The following SERPINE2 variants were observed in gnomAD, a reference collection of about 807,000 sequenced individuals.
SERPINE2 encodes the protein serpin family E member 2.
SERPINE2 carries 14 observed loss-of-function variants against 36.3 expected under a neutral mutation model. That is an observed-to-expected ratio of 0.39 (90% CI 0.25 to 0.60). The LOEUF (loss-of-function observed/expected upper bound fraction) is 0.60, where lower values mean the gene tolerates loss of function less well. Among genes scored for constraint, SERPINE2 ranks in the 20% least tolerant of loss-of-function variants. The pLI is 0.57. For synonymous variants in SERPINE2, 192 were observed against 191.8 expected, an observed-to-expected ratio of 1.00 and a Z score of -0.01; for missense variants, 418 against 499.6, an observed-to-expected ratio of 0.84 and a Z score of 1.56.
intron 2 of SERPINE2, 135 bp downstream of exon 2, chr2:224,001,507 G>T (rs1395679793): frequency 3.2e-6 from 3 of 942,412 alleles, no homozygotes; most frequent in Non-Finnish European, 3.1e-6. Context: ...CTGACCCCAA[G>T]CCCCAAGTGG....
chr2:224,019,771 A>ATTTTT (rs1182167581), intron 1 of SERPINE2, among the ~76,000 whole-genome samples: 1,968 of 14,184 alleles, frequency 0.14, 27 homozygotes, highest in African/African-American at 0.15. Context: ...TTTTTAAAAA[A>ATTTTT]AAAAAAAGAA....
chr2:223,985,459 GC>G (rs1412739235), intron 4 of SERPINE2, among the ~76,000 whole-genome samples: 2 of 152,110 alleles, frequency 1.3e-5, no homozygotes, highest in African/African-American at 4.8e-5. Context: ...TGGGACAAGA[GC>G]GGCTAAAATT....
chr2:224,019,259 T>A (rs1051829972), intron 1 of SERPINE2, among the ~76,000 whole-genome samples: 1 of 15,484 alleles, frequency 6.5e-5, no homozygotes, highest in South Asian at 1.8e-3. Context: ...AATAAAAATA[T>A]ATTGTTTTTT....
At chr2:223,992,058 A>G in intron 3 of SERPINE2, 58 bp from the exon 4 acceptor site, 1 of 1,451,952 alleles carries the variant, frequency 6.9e-7, no homozygotes. Flanking sequence ...GGCCGGCTTG[A>G]GGGCAAATGG....
At chr2:223,984,177 A>G (rs13023851) in intron 5 of SERPINE2, among the ~76,000 whole-genome samples, 57,722 of 151,812 alleles carry the variant, frequency 0.38, 12,499 homozygotes, top group Non-Finnish European at 0.48. Context: ...ACAGTTCTGG[A>G]CAAAGCATTC....
In SERPINE2 at chr2:223,980,372, A is replaced by G; in HGVS notation, c.1011T>C (p.His337=). ...CTTCAATTTTTGCTTTTTGCAAGAT[A>G]TGAGAAACATGGAGGTTTTCTGACC... ...ITRSENLHVS[H]ILQKAKIEVS... The change falls in exon 7 of 9, where the codon CAT becomes CAC. Residue 337 remains histidine, a synonymous_variant. Transcript: ENST00000409304. 1 of 1,614,116 alleles carries G rather than the reference A, an allele frequency of 6.2e-7. No homozygotes were observed. Among genetic ancestry groups the G allele is most frequent in the Non-Finnish European group, 8.5e-7 (1 of 1,179,942 alleles).
intron 1 of SERPINE2, among the ~76,000 whole-genome samples, chr2:224,024,474 G>T (rs1172755640): frequency 6.6e-6 from 1 of 152,158 alleles, no homozygotes; most frequent in Non-Finnish European, 1.5e-5. Context: ...CTTGTGAAGG[G>T]ATTTAAGGGC....
rs191984470 is a variant in SERPINE2 at position 223,995,079 on chromosome 2, C to T, written c.487+3036G>A. 3.1e-4 allele frequency among the ~76,000 whole-genome samples: 47 copies of T among 152,198 alleles called. No individual in the cohort carries two copies. In the East Asian group the frequency reaches 6.4e-3, roughly 21 times the overall value. On this transcript the variant is annotated intron_variant, in intron 3 of 8. Transcript: ENST00000409304. ...AGAAGGCAGCAGGAGTGTATGTGTG[C>T]GGTTCTCCAACAGGAGACAGGATGG...
At chr2:224,000,585 G>A (rs554572406) in intron 2 of SERPINE2, among the ~76,000 whole-genome samples, 1 of 152,038 alleles carries the variant, frequency 6.6e-6, no homozygotes, top group East Asian at 1.9e-4. Context: ...TTATTACATA[G>A]GTACACATGT....
intron 3 of SERPINE2, among the ~76,000 whole-genome samples, chr2:223,992,456 C>G (rs1422820299): frequency 1.3e-5 from 2 of 150,350 alleles, no homozygotes; most frequent in Admixed American, 1.3e-4. Flanking sequence ...TTAATTCAAT[C>G]CCAGTCAAAA....
In SERPINE2 at chr2:224,035,371, T is replaced by A. The variant is rs1236807306; in HGVS notation, c.-23+3728A>T. On this transcript the variant is annotated intron_variant, in intron 1 of 8. Transcript: ENST00000409304. The stretch of plus-strand genomic sequence containing the variant: ...GGGAATGTAAGCTTCCTATTCCAGG[T>A]TTTTTTTGTTTTGTTTTTGTTTTTG... Among the ~76,000 whole-genome samples the A allele has an allele frequency of 1.0e-4, 7 of 70,180 alleles. No homozygotes were observed. In the East Asian group the frequency reaches 2.4e-3, roughly 24 times the overall value. The allele number at this position is 70,180 out of a possible 152,430, so 46.0% of individuals were successfully genotyped here. A position where few individuals can be genotyped will look rare whatever the true frequency, so the allele number is the denominator to read the frequency against.
At chr2:223,989,386 T>C (rs1228295374) in intron 4 of SERPINE2, among the ~76,000 whole-genome samples, 1 of 152,118 alleles carries the variant, frequency 6.6e-6, no homozygotes, top group East Asian at 1.9e-4. Context: ...CCAGGAAGCA[T>C]CCGACAGGTG....
At chr2:224,005,098 A>ATATATATATATATGTATAT (rs1559209284) in intron 1 of SERPINE2, among the ~76,000 whole-genome samples, 1 of 115,780 alleles carries the variant, frequency 8.6e-6, no homozygotes, top group South Asian at 2.4e-4. Context: ...TATATATATA[A>ATATATATATATATGTATAT]AACATTGTAA....
rs1191501686 is a variant in SERPINE2, at chr2:223,998,137, T to C, written c.465A>G (p.Ala155=). ...CACCCCTGGTTTCATTTTTAACCCA[T>C]GCATTGATGGAATCACAGGCAGAGG... is the stretch of plus-strand genomic sequence containing the variant. ...DPASACDSIN[A]WVKNETRDMI... is the part of the protein sequence containing the mutation. The change falls in exon 3 of 9, where the codon GCA becomes GCG. Residue 155 remains alanine, a synonymous_variant. Transcript: ENST00000409304. 25 of 1,614,034 alleles carry C rather than the reference T, an allele frequency of 1.5e-5. No homozygotes were observed. Among genetic ancestry groups the C allele is most frequent in the East Asian group, 2.2e-5 (1 of 44,896 alleles).
chr2:223,989,130 T>C (rs1690549654), intron 4 of SERPINE2, among the ~76,000 whole-genome samples: 1 of 152,218 alleles, frequency 6.6e-6, no homozygotes, highest in South Asian at 2.1e-4. Context: ...AATATAAATC[T>C]ACTAAAAATG....
At chr2:223,985,627 G>C (rs1365821247) in intron 4 of SERPINE2, among the ~76,000 whole-genome samples, 1 of 152,144 alleles carries the variant, frequency 6.6e-6, no homozygotes, top group Non-Finnish European at 1.5e-5. Flanking sequence ...ACAGGCTGAG[G>C]ATCTACAGCA....
At chr2:224,006,332 C>A (rs768358852) in intron 1 of SERPINE2, among the ~76,000 whole-genome samples, 1 of 152,192 alleles carries the variant, frequency 6.6e-6, no homozygotes, top group African/African-American at 2.4e-5. Context: ...AATCTACCAA[C>A]TCTTCTCTTT....
intron 4 of SERPINE2, among the ~76,000 whole-genome samples, chr2:223,988,202 C>T (rs979702940): frequency 3.3e-5 from 5 of 152,142 alleles, no homozygotes; most frequent in African/African-American, 1.2e-4. Context: ...CAGGGTCTTG[C>T]TCTGTTCCCC....
At chr2:224,036,831 A>G (rs945957449) in intron 1 of SERPINE2, among the ~76,000 whole-genome samples, 1 of 151,878 alleles carries the variant, frequency 6.6e-6, no homozygotes, top group Non-Finnish European at 1.5e-5. Flanking sequence ...TTAAAATACT[A>G]CTAAAAAAGA....
Sources: allele counts gnomAD v4.1 joint callset (sites outside exome capture counted in the v4.1 genomes callset), GRCh38; gene constraint gnomAD v4.1.1; transcripts MANE v1.5; gene names NCBI Gene and HGNC (gene_info 2026-07-23, HGNC 2026-07-21).